TJP2: variants seen among roughly 807,000 people sequenced by gnomAD.
TJP2 encodes Friedreich ataxia region gene X104 (tight junction protein ZO-2).
TJP2 carries 91 observed loss-of-function variants against 133.1 expected under a neutral mutation model. The observed-to-expected ratio is 0.68, with a 90% CI of 0.58 to 0.81. The LOEUF (loss-of-function observed/expected upper bound fraction) is 0.81, where lower values mean the gene tolerates loss of function less well. Among genes scored for constraint, TJP2 ranks in the 40% least tolerant of loss-of-function variants. The pLI is 0.00. For synonymous variants in TJP2, 592 were observed against 583.4 expected (o/e 1.01, Z -0.21); for missense variants, 1,541 against 1,565.6 (o/e 0.98, Z 0.26).
At chr9:69,141,625 T>G (rs1158529280) in intron 1 of TJP2, among the ~76,000 whole-genome samples, 1 of 152,190 alleles carries the variant, frequency 6.6e-6, no homozygotes, top group African/African-American at 2.4e-5. Flanking sequence ...AGAGTCTCAC[T>G]CTGTCACTCA....
chr9:69,150,486 G>A (rs543954628), intron 1 of TJP2, among the ~76,000 whole-genome samples: 13 of 151,798 alleles, frequency 8.6e-5, no homozygotes, highest in African/African-American at 3.1e-4. Flanking sequence ...TAGAGATGGG[G>A]TTTCACCATG....
chr9:69,234,606 G>C (rs1190778512), intron 12 of TJP2, 59 bp downstream of exon 12: 14 of 1,150,290 alleles, frequency 1.2e-5, no homozygotes, highest in Non-Finnish European at 1.7e-5. Flanking sequence ...GGAAGGATGA[G>C]AGAGGTGTCT....
intron 1 of TJP2, chr9:69,145,757 A>G (rs930279708): frequency 1.6e-6 from 2 of 1,231,998 alleles, no homozygotes; most frequent in Non-Finnish European, 2.0e-6. Flanking sequence ...GTATTACCCC[A>G]CTTAACAAAA....
At chr9:69,254,041 A>G in intron 22 of TJP2, 168 bp from the exon 23 acceptor site, 1 of 782,184 alleles carries the variant, frequency 1.3e-6, no homozygotes, top group South Asian at 1.5e-5. Context: ...TTGACCTATT[A>G]CGAACCTGGA....
chr9:69,187,960 A>T (rs934428715), intron 1 of TJP2, among the ~76,000 whole-genome samples: 1 of 152,220 alleles, frequency 6.6e-6, no homozygotes, highest in African/African-American at 2.4e-5. Context: ...TGCAGGAAAT[A>T]TGGAGATCTT....
chr9:69,157,915 A>G (rs1823855073), intron 2 of TJP2, among the ~76,000 whole-genome samples: 1 of 152,172 alleles, frequency 6.6e-6, no homozygotes, highest in African/African-American at 2.4e-5. Context: ...TAAGCATAGC[A>G]TGTAGATGAG....
intron 5 of TJP2, among the ~76,000 whole-genome samples, chr9:69,223,389 G>A (rs1282174186): frequency 1.3e-5 from 2 of 152,082 alleles, no homozygotes; most frequent in African/African-American, 4.8e-5. Context: ...CTCACTGCAG[G>A]CTCCATCTCC....
intron 2 of TJP2, among the ~76,000 whole-genome samples, chr9:69,152,815 CTCTTTTTTTTTTTTTTT>C: frequency 1.1e-5 from 1 of 87,362 alleles, no homozygotes; most frequent in East Asian, 3.8e-4. Flanking sequence ...CTCTCTGGAG[CTCTTTTTTTTTTTTTTT>C]TTTTTTTTTT....
rs79591536 is a variant in TJP2, at chr9:69,208,986, A to T, written c.61-3562A>T. Among the ~76,000 whole-genome samples, 1,201 of 152,288 alleles carry T rather than the reference A, an allele frequency of 7.9e-3. 25 individuals are homozygous for T. The highest frequency in any genetic ancestry group is 0.028 in the African/African-American group (1,144 of 41,564). On this transcript the variant is annotated intron_variant, in intron 1 of 22. Transcript: ENST00000377245. ...TGAGCTTGGAGAAGTGGGCATGCTC[A>T]TAAGGTCATTTCTGGGTGGTAGTGG...
intron 1 of TJP2, among the ~76,000 whole-genome samples, chr9:69,206,232 G>C (rs1271227221): frequency 6.6e-6 from 1 of 152,062 alleles, no homozygotes; most frequent in Non-Finnish European, 1.5e-5. Context: ...TCCTCCTAAT[G>C]GATAGAATGT....
At chr9:69,166,885 T>C (rs1003502414) in intron 2 of TJP2, among the ~76,000 whole-genome samples, 7 of 152,242 alleles carry the variant, frequency 4.6e-5, no homozygotes, top group Non-Finnish European at 8.8e-5. Flanking sequence ...TGCTGTGAGC[T>C]ATGATTGTGC....
At chr9:69,228,232 T>C in intron 9 of TJP2, 118 bp downstream of exon 9, 1 of 1,251,022 alleles carries the variant, frequency 8.0e-7, no homozygotes, top group Non-Finnish European at 1.1e-6. Flanking sequence ...TGGAGGCCAT[T>C]ATCCTAAGCT....
intron 17 of TJP2, 91 bp downstream of exon 17, chr9:69,240,238 A>G (rs762198641): frequency 8.6e-6 from 11 of 1,282,832 alleles, no homozygotes; most frequent in Middle Eastern, 2.5e-4. Context: ...CTGAATGGAG[A>G]ATTTGAAATT....
At chr9:69,173,933 C>T (rs1213772649), upstream of TJP2, 7 of 983,974 alleles carry the variant, frequency 7.1e-6, no homozygotes, top group East Asian at 1.1e-4. Flanking sequence ...GTGCACGCCG[C>T]GGAGCGAACC....
chr9:69,252,761 G>A (rs866756654), intron 21 of TJP2, 54 bp from the exon 22 acceptor site: 4 of 1,534,494 alleles, frequency 2.6e-6, no homozygotes, highest in Non-Finnish European at 3.6e-6. Flanking sequence ...AGCAAGCAGA[G>A]TGCCCAGTGG....
At chr9:69,163,025 A>T (rs7871545) in intron 2 of TJP2, among the ~76,000 whole-genome samples, 17,905 of 64,558 alleles carry the variant, frequency 0.28, 5,981 homozygotes, top group African/African-American at 0.47. Context: ...TCTTTATTTT[A>T]TTTTATTTTT....
chr9:69,137,241 CTCTCTCTCTTTCTTTCTT>C (rs1330718101), intron 1 of TJP2, among the ~76,000 whole-genome samples: 1 of 25,738 alleles, frequency 3.9e-5, no homozygotes, highest in Non-Finnish European at 8.3e-5. Context: ...TTCTTTCTTT[CTCTCTCTCTTTCTTTCTT>C]TCTTTCTTTC....
intron 2 of TJP2, among the ~76,000 whole-genome samples, chr9:69,163,765 G>C (rs754505934): frequency 1.8e-4 from 27 of 152,120 alleles, no homozygotes; most frequent in Non-Finnish European, 3.4e-4. Flanking sequence ...TGCGTGAGCT[G>C]CCATGCCCAG....
intron 1 of TJP2, among the ~76,000 whole-genome samples, chr9:69,180,027 T>C (rs1825381638): frequency 6.6e-6 from 1 of 152,232 alleles, no homozygotes; most frequent in Non-Finnish European, 1.5e-5. Flanking sequence ...TCAGCCATAT[T>C]AAATATATGC....
Sources: allele counts gnomAD v4.1 joint callset (sites outside exome capture counted in the v4.1 genomes callset), GRCh38; gene constraint gnomAD v4.1.1; transcripts MANE v1.5; gene names NCBI Gene and HGNC (gene_info 2026-07-23, HGNC 2026-07-21).